BRD10: variants seen among roughly 807,000 people sequenced by gnomAD.
The protein encoded by BRD10 is bromodomain containing 10.
the BRD10 span, among the ~76,000 whole-genome samples, chr9:5,948,322 G>A: frequency 1.3e-5 from 2 of 152,048 alleles, no homozygotes; most frequent in Non-Finnish European, 1.5e-5. Flanking sequence ...CTTTTTAAAA[G>A]GGTCTTTATA....
At chr9:5,979,246 G>A in the BRD10 span, among the ~76,000 whole-genome samples, 1 of 152,226 alleles carries the variant, frequency 6.6e-6, no homozygotes, top group East Asian at 1.9e-4. Flanking sequence ...GGGCATGGTG[G>A]CTCATGCCTG....
chr9:5,911,446 G>T, the BRD10 span, among the ~76,000 whole-genome samples: 1 of 143,762 alleles, frequency 7.0e-6, no homozygotes, highest in African/African-American at 2.6e-5. Flanking sequence ...TGATGTTTTG[G>T]TTACTATAGG....
chr9:5,975,579 A>AT, the BRD10 span, among the ~76,000 whole-genome samples: 1 of 152,110 alleles, frequency 6.6e-6, no homozygotes, highest in African/African-American at 2.4e-5. Context: ...ACTTTTGGAG[A>AT]TAAAAACTAC....
the BRD10 span, among the ~76,000 whole-genome samples, chr9:5,990,598 T>C: frequency 2.0e-5 from 3 of 152,244 alleles, no homozygotes; most frequent in African/African-American, 7.2e-5. Flanking sequence ...AAAGAGAAAG[T>C]AATATCCTTT....
At chr9:5,989,820 C>G in the BRD10 span, among the ~76,000 whole-genome samples, 1 of 152,208 alleles carries the variant, frequency 6.6e-6, no homozygotes, top group Non-Finnish European at 1.5e-5. Context: ...TGAGCCACCC[C>G]ACCCAGCCAA....
At chr9:5,919,776 G>C in the BRD10 span, 3 of 1,613,562 alleles carry the variant, frequency 1.9e-6, no homozygotes, top group South Asian at 3.3e-5. Flanking sequence ...ACAACAATCT[G>C]AGAGAGAGAT....
At chr9:5,895,896 G>A in the BRD10 span, among the ~76,000 whole-genome samples, 16 of 152,352 alleles carry the variant, frequency 1.1e-4, no homozygotes, top group Middle Eastern at 0.01. Flanking sequence ...TGCATAAAGT[G>A]CTGTAACAGA....
At chr9:5,954,195 C>G in the BRD10 span, 12 of 668,670 alleles carry the variant, frequency 1.8e-5, no homozygotes, top group African/African-American at 1.3e-4. Flanking sequence ...TTGTAACTAA[C>G]AGATGGCTGC....
the BRD10 span, among the ~76,000 whole-genome samples, chr9:5,948,851 T>C: frequency 6.6e-6 from 1 of 152,162 alleles, no homozygotes; most frequent in African/African-American, 2.4e-5. Context: ...ATTTATATTG[T>C]ATTTAAACTA....
At chr9:5,988,486 T>A in the BRD10 span, 6 of 1,613,836 alleles carry the variant, frequency 3.7e-6, no homozygotes, top group Non-Finnish European at 5.1e-6. Context: ...TCCCTTCTCA[T>A]CCTCCAATCC....
chr9:5,952,169 T>A, the BRD10 span, among the ~76,000 whole-genome samples: 20 of 151,978 alleles, frequency 1.3e-4, no homozygotes, highest in Non-Finnish European at 1.9e-4. Context: ...TACAGGCACA[T>A]GCCACCACAC....
the BRD10 span, among the ~76,000 whole-genome samples, chr9:5,958,336 A>G: frequency 2.0e-5 from 3 of 152,200 alleles, no homozygotes; most frequent in Admixed American, 6.5e-5. Context: ...AAGAAATGGC[A>G]TATTTCTTTA....
At chr9:5,903,185 C>CA in the BRD10 span, among the ~76,000 whole-genome samples, 107 of 152,244 alleles carry the variant, frequency 7.0e-4, no homozygotes, top group African/African-American at 2.5e-3. Context: ...AGTCTAAGTG[C>CA]AAACATGGTA....
the BRD10 span, chr9:5,988,413 T>TC: frequency 6.2e-7 from 1 of 1,613,978 alleles, no homozygotes; most frequent in Non-Finnish European, 8.5e-7. Context: ...ATTCAAAAAC[T>TC]CCACTTGTCA....
the BRD10 span, among the ~76,000 whole-genome samples, chr9:5,894,941 G>C: frequency 6.6e-6 from 1 of 152,222 alleles, no homozygotes; most frequent in South Asian, 2.1e-4. This position sits in a 1 kb window ranked among gnomAD's most constrained non-coding sequence, Gnocchi z 4.0. Context: ...GGAACCCCTT[G>C]ACTGAAGGCA....
chr9:5,957,177 A>C, the BRD10 span, among the ~76,000 whole-genome samples: 1 of 152,150 alleles, frequency 6.6e-6, no homozygotes, highest in Non-Finnish European at 1.5e-5. Context: ...GTATAAATTA[A>C]CTTATTTATT....
chr9:5,938,258 C>A, the BRD10 span, among the ~76,000 whole-genome samples: 3 of 152,064 alleles, frequency 2.0e-5, no homozygotes, highest in Non-Finnish European at 4.4e-5. Flanking sequence ...CTGGGTAACA[C>A]AGCAAGACCT....
At chr9:5,886,558 C>A in the BRD10 span, among the ~76,000 whole-genome samples, 4 of 152,310 alleles carry the variant, frequency 2.6e-5, no homozygotes, top group African/African-American at 9.6e-5. Flanking sequence ...CAAGGTCACA[C>A]ACACTGAAGA....
chr9:6,007,486 A>G, the BRD10 span: 1 of 1,612,018 alleles, frequency 6.2e-7, no homozygotes, highest in Non-Finnish European at 8.5e-7. Flanking sequence ...GGGCTGCAGA[A>G]AGGGGGCGGT....
Sources: gnomAD v4.1 joint callset for allele counts (sites outside exome capture counted in the v4.1 genomes callset) on GRCh38, gnomAD v4.1.1 for gene constraint, Gnocchi (gnomAD v3.1) non-coding constraint, MANE v1.5 for transcripts, NCBI Gene and HGNC (gene_info 2026-07-23, HGNC 2026-07-21) for gene names.